Variants in TYW3 observed in about 807,000 individuals in gnomAD.
The protein encoded by TYW3 is tRNA wybutosine-synthesizing protein 3 homolog.
In TYW3, 26 loss-of-function variants were observed where a neutral mutation model predicts 23.1. The observed-to-expected ratio is 1.13, with a 90% CI of 0.83 to 1.56. The LOEUF (loss-of-function observed/expected upper bound fraction) is 1.56, where lower values mean the gene tolerates loss of function less well. TYW3 is among the 40% of genes most tolerant of loss of function. The pLI is 0.00. For missense variants in TYW3, 316 were observed against 311.9 expected (o/e 1.01, Z -0.10); for synonymous variants, 102 against 105.7 (o/e 0.97, Z 0.21).
Position 74,733,282 on chromosome 1 carries a change from A to C in TYW3, c.38A>C (p.Gln13Pro), listed in dbSNP as rs1163686162. Residue 13 changes from glutamine (Q) to proline (P), a missense_variant, in exon 1 of 6, where the codon CAA becomes CCA. Coordinates refer to ENST00000370867, the MANE Select transcript of TYW3 (RefSeq NM_138467.3). ...RSAEFRKWKA[Q>P]CLSKADLSRK... ...GCGGAGTTCAGGAAATGGAAGGCGC[A>C]ATGTTTGAGCAAAGCGGACCTCAGC... The C allele has an allele frequency of 6.2e-7, 1 of 1,614,002 alleles. No individual in the cohort carries two copies. The highest frequency in any genetic ancestry group is 8.5e-7 in the Non-Finnish European group (1 of 1,180,020).
rs1649276219 is a variant in TYW3, at chr1:74,765,534, A to T, written c.*1421A>T. On this transcript the variant is annotated 3_prime_UTR_variant, in exon 6 of 6. Transcript: ENST00000370867. ...GAAGGAAATTTGGGCAGGAAAGGGA[A>T]CTCACAGTGTCGGAATGCCTGGAGC... is the stretch of plus-strand genomic sequence containing the variant. 6.6e-6 allele frequency: 1 copy of T among 152,108 alleles called. No homozygotes were observed. The highest frequency in any genetic ancestry group is 1.5e-5 in the Non-Finnish European group (1 of 68,006). The allele number at this position is 152,108 out of a possible 1,614,324, so 9.4% of individuals were successfully genotyped here.
chr1:74,764,635 C>A lies in TYW3; in HGVS notation c.*522C>A, dbSNP rs79265075. On this transcript the variant is annotated 3_prime_UTR_variant, in exon 6 of 6. Transcript: ENST00000370867. ...AATGATGTAAATACATAGTTTTAAA[C>A]ATTCTTTTAGGGACATGTAACTTTT... 2,351 of 152,210 alleles carry A rather than the reference C, an allele frequency of 0.015. 30 individuals carry two copies. The highest frequency in any genetic ancestry group is 0.05 in the East Asian group (259 of 5,166). 9.4% of individuals were successfully genotyped at this position (152,210 alleles called of 1,614,324 possible). A position where few individuals can be genotyped will look rare whatever the true frequency, so the allele number is the denominator to read the frequency against.
At chr1:74,749,813 G>T (rs1388516077) in intron 4 of TYW3, among the ~76,000 whole-genome samples, 1 of 152,008 alleles carries the variant, frequency 6.6e-6, no homozygotes, top group African/African-American at 2.4e-5. Flanking sequence ...AAAATTAGCT[G>T]GGCGTGGTGG....
At chr1:74,735,837 TTA>T (rs1413318579) in intron 1 of TYW3, among the ~76,000 whole-genome samples, 31 of 152,376 alleles carry the variant, frequency 2.0e-4, no homozygotes, top group African/African-American at 6.5e-4. Context: ...ATCGTATAAA[TTA>T]TAGTTACTTT....
At chr1:74,733,826 C>T (rs1221402182) in intron 1 of TYW3, among the ~76,000 whole-genome samples, 1 of 152,214 alleles carries the variant, frequency 6.6e-6, no homozygotes, top group African/African-American at 2.4e-5. Context: ...ATCCGCTCAT[C>T]AACAGCTCTG....
intron 5 of TYW3, among the ~76,000 whole-genome samples, chr1:74,754,888 G>C (rs978294762): frequency 1.3e-5 from 2 of 152,046 alleles, no homozygotes; most frequent in African/African-American, 4.8e-5. Flanking sequence ...ACCAGATGTA[G>C]GAAGACAATT....
At chr1:74,746,560 T>G (rs1422805760) in intron 3 of TYW3, among the ~76,000 whole-genome samples, 3 of 152,232 alleles carry the variant, frequency 2.0e-5, no homozygotes, top group African/African-American at 7.2e-5. Flanking sequence ...TTAGAGGAAC[T>G]GAGAAATTCA....
chr1:74,741,954 A>G (rs535747608), intron 3 of TYW3, among the ~76,000 whole-genome samples: 29 of 152,188 alleles, frequency 1.9e-4, no homozygotes, highest in Non-Finnish European at 3.4e-4. Context: ...CTGAGTTATC[A>G]TGGCTTTAAA....
Position 74,733,505 on chromosome 1 carries a change from G to GAGAC in TYW3, c.174+87_174+88insAGAC. The GAGAC allele has an allele frequency of 5.2e-6, 8 of 1,534,726 alleles. 1 individual carries two copies. The South Asian group carries it at 8.9e-5, about 17-fold the overall frequency. ...TCCCATCCAGTGACGACCGGATCCA[G>GAGAC]CATGTCTGTGTTTGCTCCTCTGAGG... On this transcript the variant is annotated intron_variant, in intron 1 of 5. Coordinates refer to ENST00000370867, the MANE Select transcript of TYW3 (RefSeq NM_138467.3).
intron 3 of TYW3, among the ~76,000 whole-genome samples, chr1:74,739,074 G>C (rs976946004): frequency 2.2e-4 from 33 of 151,972 alleles, no homozygotes; most frequent in African/African-American, 8.0e-4. Context: ...TGTTTGCCAA[G>C]CTTTAAGAAA....
At chr1:74,760,540 T>A (rs1054617626) in intron 5 of TYW3, among the ~76,000 whole-genome samples, 3 of 152,214 alleles carry the variant, frequency 2.0e-5, no homozygotes, top group Admixed American at 6.5e-5. Context: ...TTGGATCTTA[T>A]AACGGAGAGC....
At chr1:74,740,813 C>T (rs187248865) in intron 3 of TYW3, among the ~76,000 whole-genome samples, 73 of 152,350 alleles carry the variant, frequency 4.8e-4, no homozygotes, top group African/African-American at 1.6e-3. Context: ...CTAATTGGTG[C>T]GTTTTTACAG....
intron 5 of TYW3, among the ~76,000 whole-genome samples, chr1:74,757,854 G>A (rs927260569): frequency 5.9e-5 from 9 of 152,092 alleles, no homozygotes; most frequent in African/African-American, 2.2e-4. Flanking sequence ...TTTTAAAAAC[G>A]GGAGTCTTCC....
chr1:74,749,380 A>G (rs1648697909), intron 4 of TYW3, among the ~76,000 whole-genome samples: 1 of 152,202 alleles, frequency 6.6e-6, no homozygotes, highest in South Asian at 2.1e-4. Context: ...GCAAAGTCAA[A>G]AATGTTTACT....
At chr1:74,733,668 T>C in intron 1 of TYW3, 1 of 647,556 alleles carries the variant, frequency 1.5e-6, no homozygotes, top group African/African-American at 2.0e-5. Context: ...GGCCTGATAC[T>C]GTGCATTTCT....
chr1:74,736,715 T>C (rs530522503), intron 2 of TYW3, 93 bp downstream of exon 2: 2 of 999,980 alleles, frequency 2.0e-6, no homozygotes, highest in South Asian at 3.4e-5. Flanking sequence ...GTAATTTATA[T>C]GCAGAGTTAT....
intron 5 of TYW3, among the ~76,000 whole-genome samples, chr1:74,761,438 T>C (rs781197620): frequency 6.6e-6 from 1 of 151,942 alleles, no homozygotes; most frequent in Non-Finnish European, 1.5e-5. Context: ...TCGGTGATCA[T>C]AAAGGAGCAA....
At chr1:74,740,486 A>G (rs1006147253) in intron 3 of TYW3, among the ~76,000 whole-genome samples, 4 of 151,768 alleles carry the variant, frequency 2.6e-5, no homozygotes, top group Non-Finnish European at 4.4e-5. Flanking sequence ...GACAGTTTTT[A>G]TTCCCTTATT....
intron 4 of TYW3, chr1:74,750,095 C>G (rs988407591): frequency 6.6e-6 from 1 of 152,270 alleles, no homozygotes; most frequent in African/African-American, 2.4e-5. Flanking sequence ...GTTATAGGTC[C>G]TATCCATGCT....
Sources: allele counts gnomAD v4.1 joint callset (sites outside exome capture counted in the v4.1 genomes callset), GRCh38; gene constraint gnomAD v4.1.1; transcripts MANE v1.5; gene names NCBI Gene and HGNC (gene_info 2026-07-23, HGNC 2026-07-21).